The following KAZN variants were observed in gnomAD, a reference collection of about 807,000 sequenced individuals.
KAZN encodes the protein kazrin, periplakin interacting protein, also known as kazrin.
In KAZN, 40 loss-of-function variants were observed where a neutral mutation model predicts 87.4. The ratio of observed to expected loss-of-function variants is 0.46; its 90% CI spans 0.36 to 0.60. KAZN has a LOEUF of 0.60. Among genes scored for constraint, KAZN ranks in the 20% least tolerant of loss-of-function variants. The pLI is 0.00. For missense variants in KAZN, 898 were observed against 1,073.9 expected (o/e 0.84, Z 2.29); for synonymous variants, 466 against 458.3 (o/e 1.02, Z -0.22).
At chr1:14,290,982 C>T (rs1653641621) in intron 2 of KAZN, among the ~76,000 whole-genome samples, 1 of 152,198 alleles carries the variant, frequency 6.6e-6, no homozygotes, top group African/African-American at 2.4e-5. Context: ...CCACTCCAGA[C>T]CCTGTTTGCC....
chr1:15,089,178 T>C (rs1198319783), intron 8 of KAZN, among the ~76,000 whole-genome samples: 3 of 152,154 alleles, frequency 2.0e-5, no homozygotes, highest in Non-Finnish European at 4.4e-5. Flanking sequence ...CTTCCCCTCT[T>C]CTGGGGGACT....
chr1:14,744,971 G>T (rs868690249), intron 1 of KAZN, among the ~76,000 whole-genome samples: 1 of 152,104 alleles, frequency 6.6e-6, no homozygotes. Flanking sequence ...ACCCAGAACC[G>T]CCTGAGCCTG....
intron 2 of KAZN, among the ~76,000 whole-genome samples, chr1:14,459,697 G>A (rs1182111450): frequency 6.6e-6 from 1 of 152,106 alleles, no homozygotes; most frequent in African/African-American, 2.4e-5. Flanking sequence ...AGTATGCCTA[G>A]AGCAATGGAA....
At chr1:14,243,073 A>G (rs771490283) in intron 2 of KAZN, among the ~76,000 whole-genome samples, 2 of 152,104 alleles carry the variant, frequency 1.3e-5, no homozygotes, top group Non-Finnish European at 2.9e-5. Context: ...CACATCTCCC[A>G]TGGGCCACCC....
At chr1:14,533,393 C>A (rs1364138792) in intron 2 of KAZN, among the ~76,000 whole-genome samples, 1 of 152,286 alleles carries the variant, frequency 6.6e-6, no homozygotes, top group Non-Finnish European at 1.5e-5. Flanking sequence ...ATCCCACATG[C>A]AGGCAGGGTA....
intron 2 of KAZN, among the ~76,000 whole-genome samples, chr1:14,391,746 G>T (rs139338115): frequency 6.6e-6 from 1 of 152,214 alleles, no homozygotes; most frequent in South Asian, 2.1e-4. Context: ...TGACGTCTCA[G>T]TAAGATTCAG....
chr1:14,071,907 C>T (rs529484530), intron 1 of KAZN, among the ~76,000 whole-genome samples: 2 of 152,318 alleles, frequency 1.3e-5, no homozygotes, highest in East Asian at 3.9e-4. Context: ...AACTACAAGG[C>T]TTGGAGACCC....
At position 15,054,111 on chromosome 1, in the gene KAZN, T is replaced by C. The variant is rs183119486; in HGVS notation, c.727-1980T>C. Among the ~76,000 whole-genome samples the C allele has an allele frequency of 2.0e-5, 3 of 152,192 alleles. No homozygotes were observed. In the East Asian group the frequency reaches 5.8e-4, roughly 29 times the overall value. Reference sequence around the variant, plus strand: ...CTGTCTGTTTCTTGGTGGGACCCTTTCTCAAGAATCCCTGCTCTGCCAGGA... The same window carrying C: ...CTGTCTGTTTCTTGGTGGGACCCTTCCTCAAGAATCCCTGCTCTGCCAGGA... On this transcript the variant is annotated intron_variant, in intron 4 of 14. Transcript: ENST00000376030.
intron 2 of KAZN, among the ~76,000 whole-genome samples, chr1:14,535,927 C>T (rs1246494068): frequency 6.6e-6 from 1 of 152,166 alleles, no homozygotes; most frequent in Non-Finnish European, 1.5e-5. Context: ...ATCACCAGGG[C>T]AACTTGTTGA....
intron 2 of KAZN, chr1:14,222,971 A>G (rs1244661305): frequency 2.0e-5 from 3 of 152,188 alleles, no homozygotes; most frequent in African/African-American, 7.2e-5. Flanking sequence ...GATAGGTTTA[A>G]ATAAATAATT....
chr1:14,618,100 A>C (rs1678394319), intron 1 of KAZN, among the ~76,000 whole-genome samples: 1 of 152,298 alleles, frequency 6.6e-6, no homozygotes, highest in East Asian at 1.9e-4. Context: ...TCTCATTGCT[A>C]AGCAAGGAAA....
intron 13 of KAZN, among the ~76,000 whole-genome samples, chr1:15,108,238 T>TG (rs1455834621): frequency 6.6e-6 from 1 of 152,186 alleles, no homozygotes; most frequent in Non-Finnish European, 1.5e-5. Flanking sequence ...GCCGCTGGAA[T>TG]GGGGGTGGAA....
At chr1:14,662,250 G>A (rs934956636) in intron 1 of KAZN, among the ~76,000 whole-genome samples, 1 of 152,178 alleles carries the variant, frequency 6.6e-6, no homozygotes, top group Admixed American at 6.5e-5. Context: ...CGATTGCCCT[G>A]TTACTAGGTG....
chr1:15,066,337 C>T lies in KAZN; in HGVS notation c.1222+584C>T, dbSNP rs1209019004. 3 of 837,712 alleles carry T rather than the reference C, an allele frequency of 3.6e-6. No individual in the cohort carries two copies. Among genetic ancestry groups the T allele is most frequent in the Non-Finnish European group, 4.3e-6 (3 of 695,212 alleles). 51.9% of individuals were successfully genotyped at this position (837,712 alleles called of 1,614,324 possible). ...GTGGTCTGTTTTTGATGTCCCCCCT[C>T]CCGCCCCCCTGGTGTGAACGTGTGG... On this transcript the variant is annotated intron_variant, in intron 8 of 14. Coordinates refer to ENST00000376030, the MANE Select transcript of KAZN (RefSeq NM_201628.3). The surrounding 1 kb of genome is among the most constrained non-coding windows in gnomAD (Gnocchi z 4.3).
intron 1 of KAZN, among the ~76,000 whole-genome samples, chr1:14,648,658 T>G (rs550915430): frequency 6.6e-6 from 1 of 152,264 alleles, no homozygotes; most frequent in South Asian, 2.1e-4. Context: ...AACTTCCAAG[T>G]TGACCATTAG....
chr1:14,861,856 C>T (rs576631271), intron 1 of KAZN, among the ~76,000 whole-genome samples: 3 of 152,176 alleles, frequency 2.0e-5, no homozygotes, highest in South Asian at 2.1e-4. Context: ...TGCGACCAGG[C>T]GGAGAGAGCC....
At chr1:14,119,786 T>G (rs1354506386) in intron 1 of KAZN, among the ~76,000 whole-genome samples, 1 of 152,168 alleles carries the variant, frequency 6.6e-6, no homozygotes, top group African/African-American at 2.4e-5. Flanking sequence ...CACATCTGTC[T>G]CGTGTCACAA....
chr1:13,904,715 T>C (rs1639372989), intron 1 of KAZN, among the ~76,000 whole-genome samples: 1 of 152,186 alleles, frequency 6.6e-6, no homozygotes, highest in Admixed American at 6.5e-5. Context: ...GCTCTGTAGT[T>C]TCACTACAGT....
chr1:15,047,885 A>C (rs1673755587), intron 4 of KAZN, among the ~76,000 whole-genome samples: 1 of 152,154 alleles, frequency 6.6e-6, no homozygotes, highest in Non-Finnish European at 1.5e-5. Flanking sequence ...TTCTGATGAA[A>C]TCTTACCTCT....
Sources: gnomAD v4.1 joint callset for allele counts (sites outside exome capture counted in the v4.1 genomes callset) on GRCh38, gnomAD v4.1.1 for gene constraint, Gnocchi (gnomAD v3.1) non-coding constraint, MANE v1.5 for transcripts, NCBI Gene and HGNC (gene_info 2026-07-23, HGNC 2026-07-21) for gene names.